RBFOX1: variants seen among roughly 807,000 people sequenced by gnomAD.
The protein encoded by RBFOX1 is RNA binding fox-1 homolog 1.
RBFOX1 carries 8 observed loss-of-function variants against 57.7 expected under a neutral mutation model. That is an observed-to-expected ratio of 0.14 (90% CI 0.08 to 0.25). The LOEUF (loss-of-function observed/expected upper bound fraction) is 0.25, where lower values mean the gene tolerates loss of function less well. Among genes scored for constraint, RBFOX1 ranks in the 10% least tolerant of loss-of-function variants. The probability of loss-of-function intolerance (pLI) is 1.00; values close to 1 mark genes in which losing one functional copy is unlikely to be tolerated. For synonymous variants in RBFOX1, 326 were observed against 222.4 expected, an observed-to-expected ratio of 1.47 and a Z score of -4.15; for missense variants, 611 against 548.5, an observed-to-expected ratio of 1.11 and a Z score of -1.14.
intron 4 of RBFOX1, among the ~76,000 whole-genome samples, chr16:7,472,320 TA>T (rs765825445): frequency 0.016 from 2,335 of 144,286 alleles, 21 homozygotes; most frequent in Middle Eastern, 0.048. Flanking sequence ...TACCAAATAG[TA>T]ATTTGGAGGA....
At chr16:7,694,366 T>A (rs1436525763) in intron 14 of RBFOX1, among the ~76,000 whole-genome samples, 2 of 152,206 alleles carry the variant, frequency 1.3e-5, no homozygotes, top group South Asian at 4.1e-4. Context: ...ACTCCCTATT[T>A]ACTGCCTTTG....
At chr16:6,643,043 T>C (rs1313249358) in intron 2 of RBFOX1, among the ~76,000 whole-genome samples, 1 of 152,206 alleles carries the variant, frequency 6.6e-6, no homozygotes, top group Non-Finnish European at 1.5e-5. Flanking sequence ...CCCTGAAGCA[T>C]CTCTGCCACG....
intron 2 of RBFOX1, among the ~76,000 whole-genome samples, chr16:6,380,161 C>T (rs962812042): frequency 5.3e-5 from 8 of 152,124 alleles, no homozygotes; most frequent in Non-Finnish European, 1.0e-4. Flanking sequence ...TAGACAGTTG[C>T]TTTAAATAGC....
At chr16:7,620,469 A>G (rs1044648470) in intron 10 of RBFOX1, among the ~76,000 whole-genome samples, 4 of 152,184 alleles carry the variant, frequency 2.6e-5, no homozygotes, top group East Asian at 3.9e-4. Context: ...TGCCTCCTCT[A>G]TGTCTTATTT....
At chr16:7,421,869 C>T (rs1470559323) in intron 4 of RBFOX1, among the ~76,000 whole-genome samples, 1 of 152,116 alleles carries the variant, frequency 6.6e-6, no homozygotes, top group Admixed American at 6.5e-5. Flanking sequence ...ATTTCTTCAG[C>T]CTTTTTGAAG....
At chr16:5,913,560 C>G (rs1208204507) in intron 4 of RBFOX1, among the ~76,000 whole-genome samples, 1 of 152,190 alleles carries the variant, frequency 6.6e-6, no homozygotes, top group African/African-American at 2.4e-5. Context: ...TCTCTGAGAT[C>G]CTGCCTGGAA....
At chr16:7,226,024 G>C (rs1010149404) in intron 4 of RBFOX1, among the ~76,000 whole-genome samples, 13 of 151,812 alleles carry the variant, frequency 8.6e-5, no homozygotes, top group Non-Finnish European at 1.8e-4. Context: ...TGTACACTCT[G>C]CTTTTCTTGG....
intron 3 of RBFOX1, among the ~76,000 whole-genome samples, chr16:6,733,730 C>T (rs1032998004): frequency 5.9e-5 from 9 of 151,908 alleles, no homozygotes; most frequent in South Asian, 2.1e-4. Flanking sequence ...TGCACTCCAG[C>T]CCGGGCGAAA....
chr16:5,478,533 C>T (rs7188754), intron 2 of RBFOX1, among the ~76,000 whole-genome samples: 2,962 of 152,288 alleles, frequency 0.019, 110 homozygotes, highest in African/African-American at 0.067. Flanking sequence ...ACATAAAACA[C>T]ATACAAGGTA....
chr16:7,189,217 C>G (rs912508240), intron 4 of RBFOX1, among the ~76,000 whole-genome samples: 1 of 151,576 alleles, frequency 6.6e-6, no homozygotes, highest in African/African-American at 2.4e-5. Flanking sequence ...TGAGGTCAGG[C>G]GATCGAGACC....
At chr16:6,767,962 G>GAA (rs2077641308) in intron 3 of RBFOX1, among the ~76,000 whole-genome samples, 1 of 114,814 alleles carries the variant, frequency 8.7e-6, no homozygotes. Context: ...AGAAGAAGAA[G>GAA]AAGAAGAAGA....
intron 4 of RBFOX1, among the ~76,000 whole-genome samples, chr16:7,423,710 GCTGGGCCA>G (rs1330228496): frequency 6.6e-6 from 1 of 152,150 alleles, no homozygotes. Flanking sequence ...AGAGGAGGAG[GCTGGGCCA>G]CTTTCTTTTC....
rs961490461 is a variant in RBFOX1, at chr16:5,432,562, T to TG, written c.220-34654_220-34653insG. 1.4e-4 allele frequency among the ~76,000 whole-genome samples: 19 copies of TG among 139,884 alleles called. 1 individual carries two copies. Among genetic ancestry groups the TG allele is most frequent in the Non-Finnish European group, 2.1e-4 (14 of 66,900 alleles). The allele number at this position is 139,884 out of a possible 152,430, so 91.8% of individuals were successfully genotyped here. A position where few individuals can be genotyped will look rare whatever the true frequency, so the allele number is the denominator to read the frequency against. ...GTTTTTTTTTTTTTGTTTGTTTGTT[T>TG]TTTTTTTTTTTTGGTTTTTCACTCT... On this transcript the variant is annotated intron_variant, in intron 1 of 2. Transcript: ENST00000585867.
At chr16:7,429,891 A>G (rs960731576) in intron 4 of RBFOX1, among the ~76,000 whole-genome samples, 7 of 152,212 alleles carry the variant, frequency 4.6e-5, no homozygotes, top group African/African-American at 1.4e-4. Context: ...AAGCTGCAGA[A>G]TGTATCAGTA....
chr16:6,434,310 AG>A (rs1443099680), intron 2 of RBFOX1, among the ~76,000 whole-genome samples: 4 of 152,122 alleles, frequency 2.6e-5, no homozygotes, highest in African/African-American at 9.7e-5. Context: ...TCTTTGAGAA[AG>A]GCCTTATTCC....
intron 4 of RBFOX1, among the ~76,000 whole-genome samples, chr16:7,137,243 C>T (rs1230431957): frequency 6.6e-6 from 1 of 152,158 alleles, no homozygotes; most frequent in African/African-American, 2.4e-5. Flanking sequence ...GGCTTTCCAG[C>T]TTTAGAAAAC....
intron 4 of RBFOX1, among the ~76,000 whole-genome samples, chr16:7,181,403 A>C (rs1450030710): frequency 2.0e-5 from 3 of 152,126 alleles, no homozygotes; most frequent in African/African-American, 4.8e-5. Context: ...GGTAAGAGTT[A>C]ATTAGGGGTC....
intron 3 of RBFOX1, among the ~76,000 whole-genome samples, chr16:5,634,471 A>C (rs533431512): frequency 2.6e-5 from 4 of 152,360 alleles, no homozygotes; most frequent in Admixed American, 6.5e-5. Context: ...GGGAGTAAAC[A>C]AAATTAAAGA....
chr16:6,283,735 A>C (rs2076626640), intron 1 of RBFOX1, among the ~76,000 whole-genome samples: 1 of 152,126 alleles, frequency 6.6e-6, no homozygotes, highest in Non-Finnish European at 1.5e-5. Flanking sequence ...ACCCGCAGCT[A>C]CTTTTGTTTT....
Sources: allele counts gnomAD v4.1 joint callset (sites outside exome capture counted in the v4.1 genomes callset), GRCh38; gene constraint gnomAD v4.1.1; transcripts MANE v1.5; gene names NCBI Gene and HGNC (gene_info 2026-07-23, HGNC 2026-07-21).